Variants in PDLIM3 observed in about 807,000 individuals in gnomAD.
The protein encoded by PDLIM3 is PDZ and LIM domain 3.
PDLIM3 carries 36 observed loss-of-function variants against 37.3 expected under a neutral mutation model. The ratio of observed to expected loss-of-function variants is 0.97; its 90% CI spans 0.74 to 1.28. PDLIM3 has a LOEUF of 1.28. Among genes scored for constraint, PDLIM3 ranks in the 50% most tolerant of loss-of-function variants. The pLI is 0.00. For missense variants in PDLIM3, 454 were observed against 485.0 expected (o/e 0.94, Z 0.60); for synonymous variants, 174 against 182.4 (o/e 0.95, Z 0.37).
chr4:185,520,790 T>C lies in PDLIM3; in HGVS notation c.330+2572A>G, dbSNP rs1381429574. Among the ~76,000 whole-genome samples the C allele has an allele frequency of 3.0e-5, 2 of 65,624 alleles. 1 individual carries two copies. The highest frequency in any genetic ancestry group is 1.3e-4 in the Non-Finnish European group (2 of 15,980). The allele number at this position is 65,624 out of a possible 152,430, so 43.1% of individuals were successfully genotyped here. A position where few individuals can be genotyped will look rare whatever the true frequency, so the allele number is the denominator to read the frequency against. ...CATGCTGGGGTGACGGATGCAACCA[T>C]GATGAAGGATCACTGGGGATTTGGT... is the stretch of plus-strand genomic sequence containing the variant. On this transcript the variant is annotated intron_variant, in intron 3 of 7. Transcript: ENST00000284767.
rs182374269 is a variant in PDLIM3, at chr4:185,510,212, T to C, written c.399-1650A>G. ...TTTAACCTGAGTGTAATGAAGCTTA[T>C]GAAATCAGTTTAGGGATTTGAAACA... On this transcript the variant is annotated intron_variant, in intron 4 of 7. Transcript: ENST00000284767. 3.4e-3 allele frequency among the ~76,000 whole-genome samples: 512 copies of C among 152,322 alleles called. 5 individuals carry two copies. Among genetic ancestry groups the C allele is most frequent in the East Asian group, 0.014 (75 of 5,190 alleles).
chr4:185,513,365 C>T lies in PDLIM3; in HGVS notation c.398+905G>A, dbSNP rs560134947. 19 of 984,884 alleles carry T rather than the reference C, an allele frequency of 1.9e-5. No individual in the cohort carries two copies. The East Asian group carries it at 6.8e-4, about 35-fold the overall frequency. The allele number at this position is 984,884 out of a possible 1,614,324, so 61.0% of individuals were successfully genotyped here. A position where few individuals can be genotyped will look rare whatever the true frequency, so the allele number is the denominator to read the frequency against. ...CATACATAAGGGATGACCTGCTATCCGCAGCTTATGACAGGAGTCATAAGC... is the reference window on the plus strand; with the variant it reads ...CATACATAAGGGATGACCTGCTATCTGCAGCTTATGACAGGAGTCATAAGC... On this transcript the variant is annotated intron_variant, in intron 4 of 7. Transcript: ENST00000284767.
intron 1 of PDLIM3, among the ~76,000 whole-genome samples, chr4:185,532,094 T>C (rs2095745564): frequency 6.6e-6 from 1 of 152,138 alleles, no homozygotes. Context: ...CGAGACTCTG[T>C]CTCAACAAAA....
chr4:185,504,343 G>T lies in PDLIM3; in HGVS notation c.905+132C>A. 1 of 726,896 alleles carries T rather than the reference G, an allele frequency of 1.4e-6. No individual in the cohort carries two copies. The highest frequency in any genetic ancestry group is 2.4e-6 in the Non-Finnish European group (1 of 410,172). The allele number at this position is 726,896 out of a possible 1,614,324, so 45.0% of individuals were successfully genotyped here. On this transcript the variant is annotated intron_variant, in intron 7 of 7. Transcript: ENST00000284767. This position sits in a 1 kb window ranked among gnomAD's most constrained non-coding sequence, Gnocchi z 4.7. ...CAGTCACAATGTGCTAAATGTTGGG[G>T]ACCTTACGTTTCAAGTTGATGAATA...
intron 4 of PDLIM3, among the ~76,000 whole-genome samples, chr4:185,509,245 T>C (rs2095702878): frequency 6.6e-6 from 1 of 152,186 alleles, no homozygotes; most frequent in African/African-American, 2.4e-5. Flanking sequence ...TTTAAGACAA[T>C]TGTTCAGTGG....
At chr4:185,531,807 ACAT>A (rs1275166990) in intron 1 of PDLIM3, among the ~76,000 whole-genome samples, 3 of 151,894 alleles carry the variant, frequency 2.0e-5, no homozygotes, top group Non-Finnish European at 2.9e-5. Context: ...TAAAACTGAC[ACAT>A]CAGCCAGGCG....
intron 3 of PDLIM3, among the ~76,000 whole-genome samples, chr4:185,519,909 A>G (rs1016006741): frequency 2.6e-5 from 4 of 152,246 alleles, no homozygotes; most frequent in African/African-American, 9.6e-5. Flanking sequence ...GCATGATAAT[A>G]TTAATGGCAT....
At chr4:185,505,946 G>T (rs1486745965) in intron 6 of PDLIM3, among the ~76,000 whole-genome samples, 2 of 152,232 alleles carry the variant, frequency 1.3e-5, no homozygotes. Flanking sequence ...CAGGGCAGGA[G>T]CCCTGAAGAT....
At chr4:185,513,461 A>T in intron 4 of PDLIM3, 2 of 935,524 alleles carry the variant, frequency 2.1e-6, no homozygotes, top group Non-Finnish European at 2.5e-6. Flanking sequence ...CTTAAGAGTG[A>T]TGTGCATTTT....
chr4:185,531,945 A>T lies in PDLIM3; in HGVS notation c.93+3397T>A, dbSNP rs1325736292. Among the ~76,000 whole-genome samples, 74 of 151,040 alleles carry T rather than the reference A, an allele frequency of 4.9e-4. 1 individual carries two copies. Among genetic ancestry groups the T allele is most frequent in the African/African-American group, 1.7e-3 (69 of 41,274 alleles). On this transcript the variant is annotated intron_variant, in intron 1 of 7. Transcript: ENST00000284767. ...CTCTACTAAAAAAAAAAAAAAAAAA[A>T]AAATTAGCTGGGTATGGTGGCGGGT...
In PDLIM3 at chr4:185,514,570, T is replaced by C. The variant is rs2095711789; in HGVS notation, c.331-233A>G. 9 of 1,234,108 alleles carry C rather than the reference T, an allele frequency of 7.3e-6. No individual in the cohort carries two copies. Among genetic ancestry groups the C allele is most frequent in the African/African-American group, 1.5e-5 (1 of 65,356 alleles). The allele number at this position is 1,234,108 out of a possible 1,614,324, so 76.4% of individuals were successfully genotyped here. A position where few individuals can be genotyped will look rare whatever the true frequency, so the allele number is the denominator to read the frequency against. On this transcript the variant is annotated intron_variant, in intron 3 of 7. Coordinates refer to ENST00000284767, the MANE Select transcript of PDLIM3 (RefSeq NM_014476.6). This position sits in a 1 kb window ranked among gnomAD's most constrained non-coding sequence, Gnocchi z 4.0. ...AATTAGAACATGTTTTAGATGCTTG[T>C]CTTTAAAAGAGAAATCTGATAGTGC...
chr4:185,506,410 A>G (rs1008695070), intron 6 of PDLIM3, 112 bp downstream of exon 6: 2 of 1,443,606 alleles, frequency 1.4e-6, no homozygotes, highest in Non-Finnish European at 1.9e-6. Flanking sequence ...TTTGGCTCCC[A>G]ATGAAAACCA....
chr4:185,526,680 A>G (rs142260754), intron 1 of PDLIM3, among the ~76,000 whole-genome samples: 2 of 152,274 alleles, frequency 1.3e-5, no homozygotes, highest in Non-Finnish European at 2.9e-5. Context: ...TACTTCTCTC[A>G]TATCATCTTA....
chr4:185,531,498 A>G (rs2095744335), intron 1 of PDLIM3, among the ~76,000 whole-genome samples: 1 of 152,114 alleles, frequency 6.6e-6, no homozygotes, highest in Non-Finnish European at 1.5e-5. Flanking sequence ...GGCTATTTGG[A>G]TTGTAAACAA....
At chr4:185,508,638 C>G (rs1029365628) in intron 4 of PDLIM3, 76 bp from the exon 5 acceptor site, 43 of 1,463,270 alleles carry the variant, frequency 2.9e-5, no homozygotes, top group Non-Finnish European at 3.7e-5. Flanking sequence ...ACAGAGAACA[C>G]GTACAGAGAG....
chr4:185,523,926 A>G (rs1282341357), intron 2 of PDLIM3, among the ~76,000 whole-genome samples: 1 of 151,464 alleles, frequency 6.6e-6, no homozygotes, highest in East Asian at 1.9e-4. Flanking sequence ...CCGAAGTCGT[A>G]CATTTTTAAT....
chr4:185,506,524 G>A lies in PDLIM3; in HGVS notation c.791C>T (p.Ser264Phe). ...AGCAGGTGTCAGCGGCTGCTCACCA[G>A]AGCCATCGTCCACCATTCCCTGGAG... ...RVLQGMVDDG[S>F]DDRPAGTRSV... Residue 264 changes from serine (S) to phenylalanine (F), a missense_variant and splice_region_variant, in exon 6 of 8, where the codon TCT becomes TTT. Ser to Phe is a radical substitution (Grantham distance 155, BLOSUM62 -2). Coordinates refer to ENST00000284767, the MANE Select transcript of PDLIM3 (RefSeq NM_014476.6). 1 of 1,613,730 alleles carries A rather than the reference G, an allele frequency of 6.2e-7. No homozygotes were observed. Among genetic ancestry groups the A allele is most frequent in the Non-Finnish European group, 8.5e-7 (1 of 1,180,022 alleles).
chr4:185,505,959 C>T (rs142098204), intron 6 of PDLIM3, among the ~76,000 whole-genome samples: 10 of 152,300 alleles, frequency 6.6e-5, no homozygotes, highest in South Asian at 2.1e-4. Flanking sequence ...CTGAAGATGA[C>T]GGGAGTGGGC....
At chr4:185,523,713 G>A (rs1476670127) in intron 2 of PDLIM3, among the ~76,000 whole-genome samples, 1 of 150,904 alleles carries the variant, frequency 6.6e-6, no homozygotes, top group Non-Finnish European at 1.5e-5. Context: ...CCTCCTTCTG[G>A]GTCCAAGCGA....
Sources: gnomAD v4.1 joint callset for allele counts (sites outside exome capture counted in the v4.1 genomes callset) on GRCh38, gnomAD v4.1.1 for gene constraint, Gnocchi (gnomAD v3.1) non-coding constraint, MANE v1.5 for transcripts, NCBI Gene and HGNC (gene_info 2026-07-23, HGNC 2026-07-21) for gene names.